The following PCBP3 variants were observed in gnomAD, a reference collection of about 807,000 sequenced individuals.
The protein encoded by PCBP3 is poly(rC)-binding protein 3.
A neutral mutation model predicts 52.7 loss-of-function variants in PCBP3; 25 were observed. The observed-to-expected ratio is 0.47, with a 90% CI of 0.35 to 0.66. The LOEUF (loss-of-function observed/expected upper bound fraction) is 0.66. Among genes scored for constraint, PCBP3 ranks in the 30% least tolerant of loss-of-function variants. The pLI is 0.01. For synonymous variants in PCBP3, 162 were observed against 183.0 expected (o/e 0.89, Z 0.93); for missense variants, 391 against 490.3 (o/e 0.80, Z 1.91).
Position 45,880,881 on chromosome 21 carries a change from G to C in PCBP3, c.11-15327G>C, listed in dbSNP as rs1330961272. Among the ~76,000 whole-genome samples the C allele has an allele frequency of 6.6e-6, 1 of 152,210 alleles. No homozygotes were observed. Among genetic ancestry groups the C allele is most frequent in the Non-Finnish European group, 1.5e-5 (1 of 68,036 alleles). On this transcript the variant is annotated intron_variant, in intron 5 of 17. Coordinates refer to ENST00000681687, the MANE Select transcript of PCBP3 (RefSeq NM_001384156.1). This position sits in a 1 kb window ranked among gnomAD's most constrained non-coding sequence, Gnocchi z 5.4. ...GGGGTAGGTGCTGGGCTCTGGACGG[G>C]AGGCTCAGGGCCGGGGTTAAACAGC...
At chr21:45,807,449 A>G (rs2092543376) in intron 4 of PCBP3, among the ~76,000 whole-genome samples, 1 of 152,210 alleles carries the variant, frequency 6.6e-6, no homozygotes, top group Non-Finnish European at 1.5e-5. Context: ...TACAAAGAGA[A>G]TAAAATACCT....
chr21:45,895,861 G>A (rs1456438984), intron 5 of PCBP3, among the ~76,000 whole-genome samples: 1 of 152,266 alleles, frequency 6.6e-6, no homozygotes, highest in Non-Finnish European at 1.5e-5. Context: ...CCTGTGAGCT[G>A]CAAGTCCCCT....
intron 1 of PCBP3, among the ~76,000 whole-genome samples, chr21:45,650,369 G>T (rs2079599489): frequency 6.6e-6 from 1 of 152,064 alleles, no homozygotes; most frequent in Non-Finnish European, 1.5e-5. Flanking sequence ...ATTCATAAGA[G>T]GTGTTGACCA....
chr21:45,652,604 G>C (rs1407826891), intron 1 of PCBP3, among the ~76,000 whole-genome samples: 1 of 151,982 alleles, frequency 6.6e-6, no homozygotes, highest in African/African-American at 2.4e-5. Context: ...ACCACGCCTG[G>C]CTAATTTTTG....
At chr21:45,644,253 G>A (rs1230835535) in intron 1 of PCBP3, among the ~76,000 whole-genome samples, 3 of 151,600 alleles carry the variant, frequency 2.0e-5, no homozygotes, top group Non-Finnish European at 2.9e-5. Flanking sequence ...AGAGATCTGG[G>A]GAACACCCCG....
At chr21:45,675,393 G>A (rs1223209182) in intron 2 of PCBP3, among the ~76,000 whole-genome samples, 1 of 152,174 alleles carries the variant, frequency 6.6e-6, no homozygotes, top group Non-Finnish European at 1.5e-5. Flanking sequence ...CCACAGGCAA[G>A]GCCCAAATGC....
At chr21:45,699,185 C>G (rs1358484644) in intron 2 of PCBP3, among the ~76,000 whole-genome samples, 1 of 152,200 alleles carries the variant, frequency 6.6e-6, no homozygotes, top group African/African-American at 2.4e-5. Context: ...CATAGACAAC[C>G]TAATCCACAC....
At chr21:45,836,760 A>T (rs1569291070) in intron 4 of PCBP3, among the ~76,000 whole-genome samples, 1 of 151,828 alleles carries the variant, frequency 6.6e-6, no homozygotes, top group African/African-American at 2.4e-5. Flanking sequence ...ATTTTATTAC[A>T]CATGATTGCT....
intron 5 of PCBP3, among the ~76,000 whole-genome samples, chr21:45,856,003 G>A (rs1278997591): frequency 6.6e-6 from 1 of 152,192 alleles, no homozygotes; most frequent in Admixed American, 6.5e-5. Context: ...CACATCACAT[G>A]ACAGATAAAG....
chr21:45,717,961 G>A (rs2084339169), intron 2 of PCBP3, among the ~76,000 whole-genome samples: 1 of 152,118 alleles, frequency 6.6e-6, no homozygotes, highest in South Asian at 2.1e-4. Flanking sequence ...ATCTGATCCT[G>A]GACTTTTCCT....
chr21:45,657,671 C>T (rs2080104156), intron 1 of PCBP3, among the ~76,000 whole-genome samples: 1 of 142,876 alleles, frequency 7.0e-6, no homozygotes. Flanking sequence ...TTGTCACTTT[C>T]TGGAAAAAAA....
Position 45,837,634 on chromosome 21 carries a change from C to T in PCBP3, c.-125-12327C>T, listed in dbSNP as rs1454740033. Among the ~76,000 whole-genome samples the T allele has an allele frequency of 2.6e-5, 4 of 152,184 alleles. No individual in the cohort carries two copies. The highest frequency in any genetic ancestry group is 6.5e-5 in the Admixed American group (1 of 15,288). On this transcript the variant is annotated intron_variant, in intron 4 of 17. Transcript: ENST00000681687. The surrounding 1 kb of genome is among the most constrained non-coding windows in gnomAD (Gnocchi z 4.1). ...GCTGGCTGCCTCCTCTGGCATGGTG[C>T]AGAGCCCACCTGCAACCCCATATTT...
At chr21:45,889,177 G>A (rs1483400359) in intron 5 of PCBP3, among the ~76,000 whole-genome samples, 2 of 152,222 alleles carry the variant, frequency 1.3e-5, no homozygotes, top group African/African-American at 4.8e-5. Context: ...GGGAGTGGGG[G>A]TTCAGGCAGG....
chr21:45,922,728 C>A (rs892058036), intron 13 of PCBP3, among the ~76,000 whole-genome samples: 2 of 152,198 alleles, frequency 1.3e-5, no homozygotes, highest in Non-Finnish European at 2.9e-5. Context: ...TTTAGATGAG[C>A]CTTTGCACCA....
At chr21:45,818,619 A>G (rs2093036860) in intron 4 of PCBP3, among the ~76,000 whole-genome samples, 1 of 152,246 alleles carries the variant, frequency 6.6e-6, no homozygotes, top group Admixed American at 6.5e-5. Context: ...TTTGCAAACT[A>G]AAATCTCTCT....
chr21:45,786,809 C>G (rs8131086), intron 4 of PCBP3, among the ~76,000 whole-genome samples: 1 of 152,172 alleles, frequency 6.6e-6, no homozygotes, highest in African/African-American at 2.4e-5. Context: ...CATGACTGCT[C>G]CTAGGAACAC....
intron 13 of PCBP3, among the ~76,000 whole-genome samples, chr21:45,920,799 TC>T (rs1432308861): frequency 6.6e-6 from 1 of 152,154 alleles, no homozygotes; most frequent in Non-Finnish European, 1.5e-5. Context: ...ACTTGGCCCT[TC>T]CCATACACCA....
chr21:45,923,527 T>C (rs2074776579), intron 13 of PCBP3, among the ~76,000 whole-genome samples: 1 of 152,162 alleles, frequency 6.6e-6, no homozygotes, highest in Non-Finnish European at 1.5e-5. Flanking sequence ...TCCTCCCAGC[T>C]TGCCCTTCTC....
intron 4 of PCBP3, among the ~76,000 whole-genome samples, chr21:45,776,354 T>G (rs1173127868): frequency 6.6e-6 from 1 of 152,174 alleles, no homozygotes; most frequent in Non-Finnish European, 1.5e-5. Context: ...AATGTTTCTT[T>G]GTTGATTTTC....
Sources: gnomAD v4.1 joint callset for allele counts (sites outside exome capture counted in the v4.1 genomes callset) on GRCh38, gnomAD v4.1.1 for gene constraint, Gnocchi (gnomAD v3.1) non-coding constraint, MANE v1.5 for transcripts, NCBI Gene and HGNC (gene_info 2026-07-23, HGNC 2026-07-21) for gene names.